The following CFAP299 variants were observed in gnomAD, a reference collection of about 807,000 sequenced individuals.
The protein encoded by CFAP299 is cilia and flagella associated protein 299.
In CFAP299, 21 loss-of-function variants were observed where a neutral mutation model predicts 27.0. That is an observed-to-expected ratio of 0.78 (90% CI 0.55 to 1.12). The LOEUF is 1.12. CFAP299 is among the 50% of genes most tolerant of loss of function. The probability of loss-of-function intolerance (pLI) is 0.00; values close to 1 mark genes in which losing one functional copy is unlikely to be tolerated. For missense variants in CFAP299, 310 were observed against 276.6 expected (o/e 1.12, Z -0.86); for synonymous variants, 104 against 98.1 (o/e 1.06, Z -0.36).
intron 3 of CFAP299, among the ~76,000 whole-genome samples, chr4:80,814,984 A>G (rs1385998252): frequency 1.3e-5 from 2 of 152,096 alleles, no homozygotes; most frequent in Non-Finnish European, 2.9e-5. Context: ...GTCAGCTCCT[A>G]TATTCACCAA....
intron 3 of CFAP299, among the ~76,000 whole-genome samples, chr4:80,845,278 T>C (rs1159927471): frequency 7.6e-6 from 1 of 131,286 alleles, no homozygotes; most frequent in Non-Finnish European, 1.6e-5. Context: ...AGTCCCACAC[T>C]GTTTTTTTTT....
chr4:80,860,813 C>T (rs1215279106), intron 3 of CFAP299, among the ~76,000 whole-genome samples: 1 of 152,172 alleles, frequency 6.6e-6, no homozygotes, highest in African/African-American at 2.4e-5. Flanking sequence ...TGTCAGTCTG[C>T]CCCTACTGGG....
intron 3 of CFAP299, among the ~76,000 whole-genome samples, chr4:80,628,677 G>T (rs532921547): frequency 6.6e-6 from 1 of 152,214 alleles, no homozygotes; most frequent in East Asian, 1.9e-4. Context: ...CCATGAAACT[G>T]AACAGACATT....
intron 3 of CFAP299, among the ~76,000 whole-genome samples, chr4:80,742,617 C>T (rs1001999693): frequency 2.0e-5 from 3 of 152,052 alleles, no homozygotes; most frequent in South Asian, 4.2e-4. Context: ...GCTGAGGGGT[C>T]AGATAATGGA....
At chr4:80,385,379 T>C (rs1448243447) in intron 2 of CFAP299, among the ~76,000 whole-genome samples, 1 of 152,184 alleles carries the variant, frequency 6.6e-6, no homozygotes, top group Non-Finnish European at 1.5e-5. Context: ...CATATGGTTT[T>C]CTAGAAAAAA....
At chr4:80,530,967 A>G (rs183773161) in intron 2 of CFAP299, among the ~76,000 whole-genome samples, 1 of 152,312 alleles carries the variant, frequency 6.6e-6, no homozygotes, top group African/African-American at 2.4e-5. Flanking sequence ...ATGTCAATAT[A>G]CAAACTTTGG....
At chr4:80,376,309 T>C (rs1475390877) in intron 2 of CFAP299, among the ~76,000 whole-genome samples, 1 of 152,248 alleles carries the variant, frequency 6.6e-6, no homozygotes, top group Non-Finnish European at 1.5e-5. Context: ...ACATATCTGT[T>C]TTCCAGTCGA....
intron 3 of CFAP299, among the ~76,000 whole-genome samples, chr4:80,814,208 T>C (rs942591374): frequency 6.6e-6 from 1 of 152,092 alleles, no homozygotes; most frequent in Non-Finnish European, 1.5e-5. Context: ...TTACACTTCA[T>C]CACTTCCCTA....
At chr4:80,843,899 A>G (rs901184231) in intron 3 of CFAP299, among the ~76,000 whole-genome samples, 4 of 148,670 alleles carry the variant, frequency 2.7e-5, no homozygotes, top group Non-Finnish European at 4.4e-5. Context: ...CTCCTAATGT[A>G]TCCCTCCCCA....
intron 1 of CFAP299, among the ~76,000 whole-genome samples, chr4:80,351,395 A>G (rs1723009505): frequency 6.6e-6 from 1 of 152,174 alleles, no homozygotes; most frequent in African/African-American, 2.4e-5. Context: ...TATACTTGAG[A>G]TGGTGTAATA....
intron 3 of CFAP299, among the ~76,000 whole-genome samples, chr4:80,801,030 G>C (rs546426471): frequency 6.6e-6 from 1 of 151,280 alleles, no homozygotes; most frequent in East Asian, 1.9e-4. Context: ...TGATTAGATT[G>C]TGCCCACCCA....
intron 2 of CFAP299, among the ~76,000 whole-genome samples, chr4:80,570,745 A>G (rs535687455): frequency 1.2e-4 from 18 of 152,244 alleles, no homozygotes; most frequent in African/African-American, 4.1e-4. Flanking sequence ...ATTGCTAGCC[A>G]TAGATCTTTG....
chr4:80,940,060 G>A lies in CFAP299; in HGVS notation c.477-4750G>A, dbSNP rs191379827. Among the ~76,000 whole-genome samples the A allele has an allele frequency of 5.5e-4, 83 of 152,168 alleles. No homozygotes were observed. The East Asian group carries it at 9.7e-3, about 18-fold the overall frequency. On this transcript the variant is annotated intron_variant, in intron 4 of 5. Coordinates refer to ENST00000358105, the MANE Select transcript of CFAP299 (RefSeq NM_152770.3). Reference sequence around the variant, plus strand: ...ATGCACTCTCTGTGAGTATTTGCTCGCACCATCTCAGCAGCGCACATAGAA... The same window carrying A: ...ATGCACTCTCTGTGAGTATTTGCTCACACCATCTCAGCAGCGCACATAGAA...
chr4:80,615,799 C>T (rs1738241772), intron 3 of CFAP299, among the ~76,000 whole-genome samples: 1 of 152,194 alleles, frequency 6.6e-6, no homozygotes, highest in South Asian at 2.1e-4. Flanking sequence ...GCAACCTCTG[C>T]AAGCCCTTTC....
chr4:80,845,155 T>C (rs940527683), intron 3 of CFAP299, among the ~76,000 whole-genome samples: 3 of 152,188 alleles, frequency 2.0e-5, no homozygotes, highest in East Asian at 1.9e-4. Context: ...TTGGTTACTG[T>C]AGCCTTGTAG....
At chr4:80,791,273 T>A (rs982803867) in intron 3 of CFAP299, among the ~76,000 whole-genome samples, 7 of 152,158 alleles carry the variant, frequency 4.6e-5, no homozygotes, top group African/African-American at 1.7e-4. Flanking sequence ...TCTGTGGTCT[T>A]TAAGGTCATA....
intron 3 of CFAP299, among the ~76,000 whole-genome samples, chr4:80,605,528 A>G (rs934920234): frequency 2.6e-5 from 4 of 152,236 alleles, no homozygotes; most frequent in African/African-American, 9.6e-5. Flanking sequence ...CACCTTTTAA[A>G]TAAAAGAAAT....
At chr4:80,574,340 A>G (rs1263872083) in intron 2 of CFAP299, among the ~76,000 whole-genome samples, 3 of 152,166 alleles carry the variant, frequency 2.0e-5, no homozygotes, top group Non-Finnish European at 2.9e-5. Context: ...TATCAGTTCT[A>G]ATAGTTTTTC....
chr4:80,705,303 G>T (rs1218626853), intron 3 of CFAP299, among the ~76,000 whole-genome samples: 8 of 151,748 alleles, frequency 5.3e-5, no homozygotes, highest in African/African-American at 1.7e-4. Flanking sequence ...CAGGTTAATG[G>T]AATCTCTGCC....
Sources: gnomAD v4.1 joint callset for allele counts (sites outside exome capture counted in the v4.1 genomes callset) on GRCh38, gnomAD v4.1.1 for gene constraint, MANE v1.5 for transcripts, NCBI Gene and HGNC (gene_info 2026-07-23, HGNC 2026-07-21) for gene names.